Variants in EPHA5 observed in about 807,000 individuals in gnomAD.
EPHA5 encodes EPH receptor A5.
In EPHA5, 60 loss-of-function variants were observed where a neutral mutation model predicts 105.0. The observed-to-expected ratio is 0.57, with a 90% CI of 0.46 to 0.71. The LOEUF (loss-of-function observed/expected upper bound fraction) is 0.71, where lower values mean the gene tolerates loss of function less well. Among genes scored for constraint, EPHA5 ranks in the 30% least tolerant of loss-of-function variants. The pLI, the probability that EPHA5 is intolerant of heterozygous loss-of-function variation, is 0.00. For missense variants in EPHA5, 1,218 were observed against 1,274.7 expected, an observed-to-expected ratio of 0.96 and a Z score of 0.68; for synonymous variants, 513 against 449.1, an observed-to-expected ratio of 1.14 and a Z score of -1.80.
chr4:65,349,869 T>C (rs1039207348), intron 13 of EPHA5, among the ~76,000 whole-genome samples: 1 of 152,136 alleles, frequency 6.6e-6, no homozygotes, highest in African/African-American at 2.4e-5. Flanking sequence ...ATATTAAACC[T>C]TAGCCCATAA....
At chr4:65,611,871 A>G (rs1744792703) in intron 2 of EPHA5, among the ~76,000 whole-genome samples, 1 of 151,986 alleles carries the variant, frequency 6.6e-6, no homozygotes, top group South Asian at 2.1e-4. Flanking sequence ...AGTGCACTCC[A>G]GCCACTTGCC....
chr4:65,427,374 G>A (rs1467893150), intron 5 of EPHA5, among the ~76,000 whole-genome samples: 2 of 151,890 alleles, frequency 1.3e-5, no homozygotes, highest in Non-Finnish European at 2.9e-5. Context: ...AGTAGAGACA[G>A]GGTTTCATCA....
chr4:65,497,990 C>T (rs560545482), intron 3 of EPHA5, among the ~76,000 whole-genome samples: 12 of 151,842 alleles, frequency 7.9e-5, no homozygotes, highest in Non-Finnish European at 5.9e-5. Flanking sequence ...GAAAAAGGAG[C>T]TATAGCAGTA....
At chr4:65,422,409 CTTAT>C (rs1019079810) in intron 5 of EPHA5, among the ~76,000 whole-genome samples, 14 of 152,078 alleles carry the variant, frequency 9.2e-5, no homozygotes, top group Non-Finnish European at 1.9e-4. Flanking sequence ...CTCAATTTAT[CTTAT>C]TTGTCTCCCT....
chr4:65,494,661 T>C (rs989066876), intron 4 of EPHA5, among the ~76,000 whole-genome samples: 2 of 152,206 alleles, frequency 1.3e-5, no homozygotes, highest in Non-Finnish European at 2.9e-5. Flanking sequence ...GAATTAAATG[T>C]TTACTATTCA....
At chr4:65,342,882 T>C (rs1459343812) in intron 14 of EPHA5, among the ~76,000 whole-genome samples, 7 of 151,994 alleles carry the variant, frequency 4.6e-5, no homozygotes, top group Admixed American at 4.6e-4. Flanking sequence ...CAAATAGTCT[T>C]TCTGCTTTAC....
chr4:65,453,733 T>A (rs1182106933), intron 5 of EPHA5, among the ~76,000 whole-genome samples: 1 of 152,064 alleles, frequency 6.6e-6, no homozygotes, highest in African/African-American at 2.4e-5. Flanking sequence ...AAGGGAAGAA[T>A]CAGGGGAGAA....
chr4:65,339,966 T>C (rs1020312772), intron 14 of EPHA5, among the ~76,000 whole-genome samples: 2 of 152,198 alleles, frequency 1.3e-5, no homozygotes, highest in African/African-American at 4.8e-5. Context: ...CAAAGTGCTG[T>C]TGAACAAAAT....
intron 3 of EPHA5, among the ~76,000 whole-genome samples, chr4:65,573,208 G>T (rs1299006129): frequency 6.6e-6 from 1 of 151,474 alleles, no homozygotes; most frequent in African/African-American, 2.4e-5. Context: ...TCAGGATATA[G>T]AGACCATCCT....
chr4:65,459,581 A>G (rs1727935145), intron 5 of EPHA5, among the ~76,000 whole-genome samples: 1 of 151,860 alleles, frequency 6.6e-6, no homozygotes. Flanking sequence ...CCTCTAAGGC[A>G]TGATTACTGT....
chr4:65,428,935 C>A (rs1421702555), intron 5 of EPHA5, among the ~76,000 whole-genome samples: 1 of 151,950 alleles, frequency 6.6e-6, no homozygotes, highest in Non-Finnish European at 1.5e-5. Context: ...ATCACAGTAA[C>A]AAATATTAAA....
chr4:65,657,336 T>C (rs1749166852), intron 1 of EPHA5, among the ~76,000 whole-genome samples: 1 of 152,144 alleles, frequency 6.6e-6, no homozygotes, highest in African/African-American at 2.4e-5. Context: ...TTATGTTATG[T>C]TGGCTGATAG....
intron 3 of EPHA5, among the ~76,000 whole-genome samples, chr4:65,502,243 A>G (rs1006703035): frequency 2.6e-5 from 4 of 151,850 alleles, no homozygotes; most frequent in Non-Finnish European, 5.9e-5. Context: ...ACAAAAACAA[A>G]AATGAAAAGC....
chr4:65,509,135 G>T (rs938625007), intron 3 of EPHA5, among the ~76,000 whole-genome samples: 2 of 151,868 alleles, frequency 1.3e-5, no homozygotes, highest in East Asian at 3.9e-4. Flanking sequence ...TGTCCTACTG[G>T]GTCTTAAATT....
At chr4:65,325,210 CAA>C (rs1259787023) in intron 16 of EPHA5, among the ~76,000 whole-genome samples, 1 of 151,146 alleles carries the variant, frequency 6.6e-6, no homozygotes, top group Non-Finnish European at 1.5e-5. Context: ...TGTTTTAATT[CAA>C]GATTTTCTTA....
At chr4:65,484,688 T>C (rs952519831) in intron 5 of EPHA5, among the ~76,000 whole-genome samples, 1 of 152,158 alleles carries the variant, frequency 6.6e-6, no homozygotes, top group African/African-American at 2.4e-5. Flanking sequence ...TTATTTTCTA[T>C]TGGGACAAAA....
chr4:65,669,854 C>A lies in EPHA5; in HGVS notation c.-112G>T. ...GTCCTCCTTGTCCCCCCTTGGGGTC[C>A]TACGCCTTCTGGCACGCGGCTCCTC... On this transcript the variant is annotated 5_prime_UTR_variant, in exon 1 of 17. The change creates a new upstream start codon in the 5' untranslated region. Transcript: ENST00000613740. The A allele has an allele frequency of 8.1e-7, 1 of 1,228,386 alleles. No homozygotes were observed. Among genetic ancestry groups the A allele is most frequent in the East Asian group, 3.2e-5 (1 of 31,670 alleles). The allele number at this position is 1,228,386 out of a possible 1,614,324, so 76.1% of individuals were successfully genotyped here.
At chr4:65,638,896 C>G (rs952182091) in intron 2 of EPHA5, among the ~76,000 whole-genome samples, 2 of 152,118 alleles carry the variant, frequency 1.3e-5, no homozygotes, top group African/African-American at 4.8e-5. Flanking sequence ...ATATTTAAGG[C>G]CACTTACTGA....
intron 1 of EPHA5, among the ~76,000 whole-genome samples, chr4:65,648,841 T>C (rs1388147184): frequency 3.3e-5 from 5 of 152,214 alleles, no homozygotes; most frequent in African/African-American, 1.2e-4. Flanking sequence ...TCAGCACAGA[T>C]GTAATTTCTT....
Sources: gnomAD v4.1 joint callset for allele counts (sites outside exome capture counted in the v4.1 genomes callset) on GRCh38, gnomAD v4.1.1 for gene constraint, MANE v1.5 for transcripts, NCBI Gene and HGNC (gene_info 2026-07-23, HGNC 2026-07-21) for gene names.